Variants in PPP2R3B observed in about 807,000 individuals in gnomAD.
PPP2R3B encodes the protein serine/threonine-protein phosphatase 2A regulatory subunit B'' subunit beta.
In PPP2R3B, 68 loss-of-function variants were observed where a neutral mutation model predicts 72.9. That is an observed-to-expected ratio of 0.93 (90% CI 0.77 to 1.14). The LOEUF (loss-of-function observed/expected upper bound fraction) is 1.14. Ranked by LOEUF, PPP2R3B falls within the 50% of genes most tolerant of loss-of-function variation. The pLI, the probability that PPP2R3B is intolerant of heterozygous loss-of-function variation, is 0.00. For missense variants in PPP2R3B, 1,018 were observed against 842.0 expected, an observed-to-expected ratio of 1.21 and a Z score of -2.59; for synonymous variants, 466 against 375.8, an observed-to-expected ratio of 1.24 and a Z score of -2.78.
chrX:351,173 G>A (rs1403419644), intron 2 of PPP2R3B, among the ~76,000 whole-genome samples: 9 of 152,252 alleles, frequency 5.9e-5, no homozygotes, highest in African/African-American at 1.4e-4. Context: ...GGCACGTGCC[G>A]GCTCCCGTGA....
intron 1 of PPP2R3B, 96 bp downstream of exon 1, chrX:386,272 C>T (rs2072246847): frequency 9.3e-7 from 1 of 1,071,526 alleles, no homozygotes; most frequent in Non-Finnish European, 1.2e-6. Flanking sequence ...GTTTTGGGGT[C>T]TGACGCTCGC....
chrX:348,293 TGGC>T (rs2071264946), intron 2 of PPP2R3B, among the ~76,000 whole-genome samples: 5 of 151,960 alleles, frequency 3.3e-5, no homozygotes, highest in Non-Finnish European at 7.4e-5. Flanking sequence ...TAACCCTGGC[TGGC>T]TGGGCGTGGT....
At chrX:369,264 C>A (rs1317339131) in intron 1 of PPP2R3B, among the ~76,000 whole-genome samples, 1 of 152,186 alleles carries the variant, frequency 6.6e-6, no homozygotes, top group East Asian at 1.9e-4. Flanking sequence ...TTCAGACAAA[C>A]CAGAGGGGCC....
intron 1 of PPP2R3B, among the ~76,000 whole-genome samples, chrX:369,766 G>C (rs1415401556): frequency 6.6e-6 from 1 of 152,240 alleles, no homozygotes; most frequent in African/African-American, 2.4e-5. Context: ...CAAAGCCACA[G>C]AGGAGGTGCC....
chrX:357,453 C>G (rs1164415104), intron 2 of PPP2R3B, among the ~76,000 whole-genome samples: 2 of 152,116 alleles, frequency 1.3e-5, no homozygotes, highest in Admixed American at 6.5e-5. Flanking sequence ...AGAGAAAGAA[C>G]TGAAATAATC....
chrX:341,227 C>T (rs2071064638), intron 9 of PPP2R3B, 80 bp downstream of exon 9: 17 of 1,500,350 alleles, frequency 1.1e-5, no homozygotes, highest in African/African-American at 4.1e-5. Context: ...GGCGTGCAGG[C>T]ATCCGCCTGG....
At chrX:363,819 C>G (rs2071618799) in intron 1 of PPP2R3B, among the ~76,000 whole-genome samples, 1 of 152,260 alleles carries the variant, frequency 6.6e-6, no homozygotes, top group Non-Finnish European at 1.5e-5. Flanking sequence ...TCACACAGCT[C>G]TGCTATTTGG....
intron 1 of PPP2R3B, among the ~76,000 whole-genome samples, chrX:378,799 A>G (rs1455643839): frequency 6.6e-6 from 1 of 152,130 alleles, no homozygotes; most frequent in African/African-American, 2.4e-5. Context: ...ATCGGTGCCC[A>G]CTATGAAAAC....
chrX:350,991 G>A (rs1366144394), intron 2 of PPP2R3B, among the ~76,000 whole-genome samples: 1 of 152,164 alleles, frequency 6.6e-6, no homozygotes. Context: ...GTCCTGACAG[G>A]TGCAGGGCGG....
At chrX:344,368 C>T (rs62581478) in intron 7 of PPP2R3B, among the ~76,000 whole-genome samples, 38,010 of 151,300 alleles carry the variant, frequency 0.25, 5,327 homozygotes, top group Middle Eastern at 0.32. Flanking sequence ...GCACCGTCGC[C>T]GTCAGCTTGG....
chrX:344,335 A>G, intron 7 of PPP2R3B, among the ~76,000 whole-genome samples: 1 of 151,702 alleles, frequency 6.6e-6, no homozygotes, highest in Admixed American at 6.6e-5. Flanking sequence ...GGGAGACCTC[A>G]CCAACGGGAG....
chrX:354,256 ACCCAAACACCAGG>A (rs2071397506), intron 2 of PPP2R3B, among the ~76,000 whole-genome samples: 1 of 146,634 alleles, frequency 6.8e-6, no homozygotes, highest in African/African-American at 2.5e-5. Flanking sequence ...CTGGGGGCTC[ACCCAAACACCAGG>A]GGCTCACCCA....
chrX:345,385 G>C, intron 7 of PPP2R3B, 131 bp downstream of exon 7: 1 of 1,246,374 alleles, frequency 8.0e-7, no homozygotes, highest in Non-Finnish European at 1.1e-6. Flanking sequence ...AGAGCGGCGA[G>C]TGCGAAGGAG....
chrX:350,955 C>A (rs1395903871), intron 2 of PPP2R3B, among the ~76,000 whole-genome samples: 1 of 152,242 alleles, frequency 6.6e-6, no homozygotes, highest in East Asian at 1.9e-4. Context: ...AGAGCAGGGA[C>A]TGGAGGAATA....
At chrX:361,256 C>G in intron 2 of PPP2R3B, 149 bp downstream of exon 2, 1 of 824,302 alleles carries the variant, frequency 1.2e-6, no homozygotes, top group Non-Finnish European at 1.9e-6. Context: ...AAACCTGGGC[C>G]GCTCCCGCAC....
intron 7 of PPP2R3B, chrX:342,369 G>A (rs1397891689): frequency 6.4e-5 from 11 of 170,740 alleles, no homozygotes; most frequent in Non-Finnish European, 1.2e-4. Context: ...CCTCAGCAAC[G>A]GGAGGCGGGA....
intron 2 of PPP2R3B, among the ~76,000 whole-genome samples, chrX:359,272 C>G (rs1569399755): frequency 6.6e-6 from 1 of 152,178 alleles, no homozygotes; most frequent in Non-Finnish European, 1.5e-5. Context: ...AAGGAACTCT[C>G]AGAGATACCC....
At chrX:339,272 C>CA (rs1556105516) in intron 10 of PPP2R3B, among the ~76,000 whole-genome samples, 6 of 134,416 alleles carry the variant, frequency 4.5e-5, no homozygotes, top group South Asian at 2.5e-4. Context: ...GCCCCATGGC[C>CA]GGGGGGGGCA....
Position 345,577 on chromosome X carries a change from C to G in PPP2R3B, c.975G>C (p.Glu325Asp). The G allele has an allele frequency of 1.2e-6, 2 of 1,613,342 alleles. No individual in the cohort carries two copies. The highest frequency in any genetic ancestry group is 1.1e-5 in the South Asian group (1 of 91,074). ...TGAGCAGGTCGTGGTCCGTGTCCAGCTCCCAGAACTTGCAGTAGATGACGT... is the reference window on the plus strand; with the variant it reads ...TGAGCAGGTCGTGGTCCGTGTCCAGGTCCCAGAACTTGCAGTAGATGACGT... ...HFYVIYCKFW[E>D]LDTDHDLLID... Residue 325 changes from glutamate (E) to aspartate (D), a missense_variant, in exon 7 of 13, where the codon GAG becomes GAC. By Grantham distance (45) the Glu-to-Asp change is conservative. Transcript: ENST00000390665.
Sources: allele counts gnomAD v4.1 joint callset (sites outside exome capture counted in the v4.1 genomes callset), GRCh38; gene constraint gnomAD v4.1.1; transcripts MANE v1.5; gene names NCBI Gene and HGNC (gene_info 2026-07-23, HGNC 2026-07-21).